CACNG4: variants seen among roughly 807,000 people sequenced by gnomAD.
The protein encoded by CACNG4 is voltage-dependent calcium channel gamma-4 subunit.
A neutral mutation model predicts 22.9 loss-of-function variants in CACNG4; 8 were observed. That is an observed-to-expected ratio of 0.35 (90% confidence interval 0.21 to 0.63). The LOEUF is 0.63. Ranked by LOEUF, CACNG4 falls within the 30% of genes least tolerant of loss-of-function variation. The probability of loss-of-function intolerance (pLI) is 0.72; values close to 1 mark genes in which losing one functional copy is unlikely to be tolerated. For missense variants in CACNG4, 357 were observed against 455.4 expected, an observed-to-expected ratio of 0.78 and a Z score of 1.97; for synonymous variants, 188 against 191.9, an observed-to-expected ratio of 0.98 and a Z score of 0.17.
chr17:66,968,487 CCCCTCCTCCTCTCCCTCCTCTCCCCTA>C (rs1598098536), intron 1 of CACNG4, among the ~76,000 whole-genome samples: 2 of 96,766 alleles, frequency 2.1e-5, no homozygotes, highest in East Asian at 4.0e-4. Flanking sequence ...CACCTTCCCT[CCCCTCCTCCTCTCCCTCCTCTCCCCTA>C]CCCTCCTCCT....
chr17:67,003,156 T>C (rs1183604041), intron 1 of CACNG4, among the ~76,000 whole-genome samples: 2 of 152,062 alleles, frequency 1.3e-5, no homozygotes, highest in African/African-American at 4.8e-5. Flanking sequence ...GTACATACCA[T>C]GGGACAGGCA....
intron 1 of CACNG4, among the ~76,000 whole-genome samples, chr17:66,982,326 T>TTGATCTATTTTACAGAGTGCTGAC (rs1298912225): frequency 5.3e-5 from 8 of 152,212 alleles, no homozygotes; most frequent in Middle Eastern, 3.2e-3. Flanking sequence ...AGAGTGCTGA[T>TTGATCTATTTTACAGAGTGCTGAC]TGATCTATTT....
At chr17:66,966,446 C>G (rs774093500) in intron 1 of CACNG4, among the ~76,000 whole-genome samples, 2 of 152,168 alleles carry the variant, frequency 1.3e-5, no homozygotes, top group African/African-American at 2.4e-5. Flanking sequence ...GCCTTCCTTA[C>G]TGCAGTTCCA....
chr17:67,018,128 G>A (rs544483021), intron 1 of CACNG4, 61 bp from the exon 2 acceptor site: 4 of 1,267,828 alleles, frequency 3.2e-6, no homozygotes, highest in Non-Finnish European at 4.6e-6. Flanking sequence ...CGTGTCTGGA[G>A]TGAACGGATG....
At chr17:67,022,550 C>T (rs928752559) in intron 2 of CACNG4, among the ~76,000 whole-genome samples, 5 of 152,186 alleles carry the variant, frequency 3.3e-5, no homozygotes, top group African/African-American at 1.2e-4. Flanking sequence ...ATTTAATGCC[C>T]CCAGACAATC....
At chr17:66,983,558 G>A (rs577371260) in intron 1 of CACNG4, among the ~76,000 whole-genome samples, 1 of 152,288 alleles carries the variant, frequency 6.6e-6, no homozygotes, top group African/African-American at 2.4e-5. Context: ...TGGGCACAGC[G>A]TCGTGACCAG....
chr17:66,969,898 A>C (rs2035193540), intron 1 of CACNG4, among the ~76,000 whole-genome samples: 1 of 151,982 alleles, frequency 6.6e-6, no homozygotes, highest in South Asian at 2.1e-4. Context: ...GTTTGCTTTC[A>C]TTTTCTCTTG....
chr17:67,008,940 C>T (rs1201043957), intron 1 of CACNG4, among the ~76,000 whole-genome samples: 1 of 151,438 alleles, frequency 6.6e-6, no homozygotes, highest in African/African-American at 2.5e-5. Flanking sequence ...CAGGGTGAGA[C>T]CCTGTCTCAA....
chr17:66,998,554 C>T (rs746064720), intron 1 of CACNG4, among the ~76,000 whole-genome samples: 44 of 152,172 alleles, frequency 2.9e-4, no homozygotes, highest in Non-Finnish European at 3.1e-4. Flanking sequence ...TAGTTGAGGG[C>T]GCTGGCCTGA....
chr17:67,029,566 G>A (rs997445578), intron 3 of CACNG4, among the ~76,000 whole-genome samples: 15 of 152,208 alleles, frequency 9.9e-5, no homozygotes, highest in Middle Eastern at 3.4e-3. Flanking sequence ...CCCGGGAGGC[G>A]GAGGTTGCAG....
intron 1 of CACNG4, among the ~76,000 whole-genome samples, chr17:67,008,903 C>T (rs758192646): frequency 2.6e-4 from 40 of 151,978 alleles, no homozygotes; most frequent in African/African-American, 8.2e-4. Context: ...GAGCCGAGAT[C>T]GCGCCACTTC....
intron 1 of CACNG4, among the ~76,000 whole-genome samples, chr17:66,986,234 G>A (rs1465828498): frequency 6.6e-6 from 1 of 152,242 alleles, no homozygotes; most frequent in Non-Finnish European, 1.5e-5. Flanking sequence ...TACCTGCTTA[G>A]GAGCCTGCCT....
chr17:67,030,908 G>A lies in CACNG4; in HGVS notation c.888G>A (p.Gln296=), dbSNP rs1390466094. The A allele has an allele frequency of 2.5e-6, 4 of 1,612,992 alleles. No homozygotes were observed. In the African/African-American group the frequency reaches 5.3e-5, roughly 22 times the overall value. Reference sequence around the variant, plus strand: ...CCGCAGCCAGCTACAGCCCCGACCAGGAGGCCAGCTTCCTGCAGGTGCATG... The same window carrying A: ...CCGCAGCCAGCTACAGCCCCGACCAAGAGGCCAGCTTCCTGCAGGTGCATG... ...VTTAASYSPD[Q]EASFLQVHDF... Residue 296 remains glutamine, a synonymous_variant, in exon 4 of 4, where the codon CAG becomes CAA. Coordinates refer to ENST00000262138, the MANE Select transcript of CACNG4 (RefSeq NM_014405.4). This position sits in a 1 kb window ranked among gnomAD's most constrained non-coding sequence, Gnocchi z 6.4.
intron 1 of CACNG4, among the ~76,000 whole-genome samples, chr17:67,000,440 A>C (rs1409451156): frequency 3.3e-5 from 5 of 151,962 alleles, no homozygotes; most frequent in African/African-American, 1.2e-4. Context: ...TGCAAGCAAA[A>C]GCCTCAAGCC....
chr17:67,028,613 C>T lies in CACNG4; in HGVS notation c.446-1853C>T, dbSNP rs116087777. On this transcript the variant is annotated intron_variant, in intron 3 of 3. Coordinates refer to ENST00000262138, the MANE Select transcript of CACNG4 (RefSeq NM_014405.4). ...GGATGGTAATTGAACTTACGTCAGG[C>T]GCCCTGTGTGCTGGGTGCTGTTGTG... Among the ~76,000 whole-genome samples the T allele has an allele frequency of 2.6e-3, 403 of 152,204 alleles. 2 individuals carry two copies. The highest frequency in any genetic ancestry group is 0.01 in the South Asian group (50 of 4,806).
Position 67,030,474 on chromosome 17 carries a change from A to G in CACNG4, c.454A>G (p.Asn152Asp). 1 of 1,613,140 alleles carries G rather than the reference A, an allele frequency of 6.2e-7. No homozygotes were observed. ...GILFVAAGLS[N>D]IIGIIVYISS... ...CCCCGCTTCCCTTTCAGGCCTCAGT[A>G]ACATCATCGGTATCATCGTCTACAT... is the stretch of plus-strand genomic sequence containing the variant. Residue 152 changes from asparagine to aspartate, a missense_variant, in exon 4 of 4, where the codon AAC becomes GAC. Physicochemically the swap from Asn to Asp is conservative, Grantham distance 23 (BLOSUM62 1). Around this residue, in one of 3 missense-constraint regions of CACNG4, gnomAD observed 240 missense variants for 277.6 expected, o/e 0.86. Transcript: ENST00000262138. The surrounding 1 kb of genome is among the most constrained non-coding windows in gnomAD (Gnocchi z 6.4).
intron 1 of CACNG4, among the ~76,000 whole-genome samples, chr17:66,970,948 G>A (rs2035200483): frequency 6.6e-6 from 1 of 152,186 alleles, no homozygotes; most frequent in South Asian, 2.1e-4. Flanking sequence ...CCCAGACTCT[G>A]AGGATTTCCA....
At chr17:67,029,058 C>A (rs191960672) in intron 3 of CACNG4, among the ~76,000 whole-genome samples, 1 of 152,266 alleles carries the variant, frequency 6.6e-6, no homozygotes, top group East Asian at 1.9e-4. Context: ...AAAGGCTGGG[C>A]GTGGTGGCTC....
intron 1 of CACNG4, among the ~76,000 whole-genome samples, chr17:66,982,339 C>A (rs111728795): frequency 0.025 from 3,786 of 152,286 alleles, 146 homozygotes; most frequent in African/African-American, 0.086. Flanking sequence ...ATCTATTTTA[C>A]AGAGTGCTGA....
Sources: allele counts gnomAD v4.1 joint callset (sites outside exome capture counted in the v4.1 genomes callset), GRCh38; gene constraint gnomAD v4.1.1; regional missense constraint gnomAD v4.1.1; non-coding constraint Gnocchi (gnomAD v3.1); transcripts MANE v1.5; gene names NCBI Gene and HGNC (gene_info 2026-07-23, HGNC 2026-07-21).